The following ZNF470 variants were observed in gnomAD, a reference collection of about 807,000 sequenced individuals.
ZNF470 encodes chondrogenesis zinc finger protein 1.
ZNF470 carries 13 observed loss-of-function variants against 13.9 expected under a neutral mutation model. The observed-to-expected ratio is 0.94, with a 90% CI of 0.61 to 1.49. The LOEUF (loss-of-function observed/expected upper bound fraction) is 1.49, where lower values mean the gene tolerates loss of function less well. ZNF470 is among the 40% of genes most tolerant of loss of function. The probability of loss-of-function intolerance (pLI) is 0.00; values close to 1 mark genes in which losing one functional copy is unlikely to be tolerated. For synonymous variants in ZNF470, 293 were observed against 282.9 expected, an observed-to-expected ratio of 1.04 and a Z score of -0.36; for missense variants, 929 against 857.3, an observed-to-expected ratio of 1.08 and a Z score of -1.04.
intron 5 of ZNF470, 59 bp from the exon 6 acceptor site, chr19:56,576,654 A>G (rs2044490355): frequency 7.5e-7 from 1 of 1,338,112 alleles, no homozygotes; most frequent in Admixed American, 2.8e-5. Flanking sequence ...TTCATTTTCG[A>G]AATTTCCATT....
rs1204342239 is a variant in ZNF470 at position 56,578,534 on chromosome 19, A to T, written c.2105A>T (p.Glu702Val). 1.3e-6 allele frequency: 2 copies of T among 1,587,726 alleles called. No individual in the cohort carries two copies. Among genetic ancestry groups the T allele is most frequent in the Non-Finnish European group, 1.7e-6 (2 of 1,166,926 alleles). The change falls in exon 6 of 6, where the codon GAG becomes GTG. Residue 702 changes from glutamate to valine, a missense_variant. Glu to Val is a moderately radical substitution (Grantham distance 121). Coordinates refer to ENST00000330619, the MANE Select transcript of ZNF470 (RefSeq NM_001001668.4). ...LAHHQRIHTG[E>V]SSVILSSALP... ...CATCATCAGCGAATTCATACCGGAGAGTCATCAGTTATTCTCTCCTCTGCC... is the reference window on the plus strand; with the variant it reads ...CATCATCAGCGAATTCATACCGGAGTGTCATCAGTTATTCTCTCCTCTGCC...
rs375622187 is a variant in ZNF470, at chr19:56,570,429, A to G, written c.60+58A>G. ...TAGTTTTGCTTTTCTGGATTTGGTA[A>G]TACTTGTTTTCTTCTGAAAATATTG... On this transcript the variant is annotated intron_variant, in intron 3 of 5. Coordinates refer to ENST00000330619, the MANE Select transcript of ZNF470 (RefSeq NM_001001668.4). The G allele has an allele frequency of 5.9e-6, 9 of 1,532,862 alleles. No homozygotes were observed. In the Admixed American group the frequency reaches 1.5e-4, roughly 26 times the overall value. The allele number at this position is 1,532,862 out of a possible 1,614,324, so 95.0% of individuals were successfully genotyped here. A position where few individuals can be genotyped will look rare whatever the true frequency, so the allele number is the denominator to read the frequency against.
rs2044506614 is a variant in ZNF470 at position 56,578,132 on chromosome 19, T to G, written c.1703T>G (p.Ile568Ser). ...VHTGEKPYECIECGKAFSDGS... is the reference protein window; with the variant it reads ...VHTGEKPYECSECGKAFSDGS... ...ACTGGTGAGAAGCCTTACGAATGTA[T>G]TGAATGTGGGAAGGCCTTTAGTGAT... is the stretch of plus-strand genomic sequence containing the variant. Residue 568 changes from isoleucine to serine, a missense_variant, in exon 6 of 6, where the codon ATT (isoleucine) becomes AGT (serine). Ile to Ser is a moderately radical substitution (Grantham distance 142). Transcript: ENST00000330619. 1 of 1,613,842 alleles carries G rather than the reference T, an allele frequency of 6.2e-7. No homozygotes were observed. The highest frequency in any genetic ancestry group is 8.5e-7 in the Non-Finnish European group (1 of 1,179,934).
chr19:56,574,214 A>G, intron 3 of ZNF470, 180 bp from the exon 4 acceptor site: 1 of 1,010,202 alleles, frequency 9.9e-7, no homozygotes, highest in Non-Finnish European at 1.5e-6. Flanking sequence ...TAATATGTAC[A>G]GCATAACTAG....
chr19:56,567,690 G>A lies in ZNF470; in HGVS notation c.-507G>A. On this transcript the variant is annotated 5_prime_UTR_variant, in exon 1 of 6. Coordinates refer to ENST00000330619, the MANE Select transcript of ZNF470 (RefSeq NM_001001668.4). ...TGCTGTGCTGAGGAGGGGCGAGCGC[G>A]CGCGGGGATGGCGGCCCGGTGTGTG... The A allele has an allele frequency of 1.0e-6, 1 of 987,378 alleles. No homozygotes were observed. The allele number at this position is 987,378 out of a possible 1,614,324, so 61.2% of individuals were successfully genotyped here.
Position 56,579,717 on chromosome 19 carries a change from G to T in ZNF470, c.*1134G>T. On this transcript the variant is annotated 3_prime_UTR_variant, in exon 6 of 6. Coordinates refer to ENST00000330619, the MANE Select transcript of ZNF470 (RefSeq NM_001001668.4). Reference sequence around the variant, plus strand: ...CTGCAATTAGTTTCTGAATGTAGATGTTACAACTTAAACTTATTTTTAAAA... The same window carrying T: ...CTGCAATTAGTTTCTGAATGTAGATTTTACAACTTAAACTTATTTTTAAAA... 1.0e-6 allele frequency: 1 copy of T among 983,636 alleles called. No homozygotes were observed. Among genetic ancestry groups the T allele is most frequent in the Non-Finnish European group, 1.2e-6 (1 of 828,336 alleles). The allele number at this position is 983,636 out of a possible 1,614,324, so 60.9% of individuals were successfully genotyped here. A position where few individuals can be genotyped will look rare whatever the true frequency, so the allele number is the denominator to read the frequency against.
At position 56,582,039 on chromosome 19, in the gene ZNF470, T is replaced by C. The variant is rs75062553; in HGVS notation, c.*3456T>C. 3,562 of 985,386 alleles carry C rather than the reference T, an allele frequency of 3.6e-3. 84 individuals are homozygous for C. The South Asian group carries it at 0.069, about 19-fold the overall frequency. The allele number at this position is 985,386 out of a possible 1,614,324, so 61.0% of individuals were successfully genotyped here. On this transcript the variant is annotated 3_prime_UTR_variant, in exon 6 of 6. Transcript: ENST00000330619. ...AGTAAAGAAACAATCATACAGAATT[T>C]GGTACGAAGATTGGGTAATGGGCAT...
At position 56,579,645 on chromosome 19, in the gene ZNF470, T is replaced by A; in HGVS notation, c.*1062T>A. The A allele has an allele frequency of 1.0e-6, 1 of 985,452 alleles. No homozygotes were observed. The highest frequency in any genetic ancestry group is 1.2e-6 in the Non-Finnish European group (1 of 829,944). 61.0% of individuals were successfully genotyped at this position (985,452 alleles called of 1,614,324 possible). ...TAAAATGCAATAAGACCTTCCATCTTGTTCCATGAGATTGACAAGACATGC... is the reference window on the plus strand; with the variant it reads ...TAAAATGCAATAAGACCTTCCATCTAGTTCCATGAGATTGACAAGACATGC... On this transcript the variant is annotated 3_prime_UTR_variant, in exon 6 of 6. Coordinates refer to ENST00000330619, the MANE Select transcript of ZNF470 (RefSeq NM_001001668.4).
In ZNF470 at chr19:56,568,821, A is replaced by G. The variant is rs1007440331; in HGVS notation, c.-95A>G. 2.6e-5 allele frequency: 4 copies of G among 152,158 alleles called. No homozygotes were observed. The highest frequency in any genetic ancestry group is 5.9e-5 in the Non-Finnish European group (4 of 68,036). The allele number at this position is 152,158 out of a possible 1,614,324, so 9.4% of individuals were successfully genotyped here. On this transcript the variant is annotated 5_prime_UTR_variant, in exon 2 of 6. Coordinates refer to ENST00000330619, the MANE Select transcript of ZNF470 (RefSeq NM_001001668.4). The stretch of plus-strand genomic sequence containing the variant: ...AGCAAGTGGAAGAACCGGGATTCAG[A>G]TCCAGAACAGGCTGACTCCAGAGTC...
In ZNF470 at chr19:56,579,880, G is replaced by A. The variant is rs1357367472; in HGVS notation, c.*1297G>A. ...GTTGAGAAGCTGATTCTGATCATCT[G>A]TAGAATTTTGATTTTAACGAGGAAT... On this transcript the variant is annotated 3_prime_UTR_variant, in exon 6 of 6. Coordinates refer to ENST00000330619, the MANE Select transcript of ZNF470 (RefSeq NM_001001668.4). 1 of 482,908 alleles carries A rather than the reference G, an allele frequency of 2.1e-6. No homozygotes were observed. The highest frequency in any genetic ancestry group is 2.7e-6 in the Non-Finnish European group (1 of 371,224). 29.9% of individuals were successfully genotyped at this position (482,908 alleles called of 1,614,324 possible).
At chr19:56,575,376 C>T (rs2044481457) in intron 5 of ZNF470, among the ~76,000 whole-genome samples, 1 of 151,604 alleles carries the variant, frequency 6.6e-6, no homozygotes, top group African/African-American at 2.4e-5. Flanking sequence ...ATGAATATTA[C>T]TTTCTTTCCC....
intron 3 of ZNF470, among the ~76,000 whole-genome samples, chr19:56,572,814 GATAAA>G (rs2044464949): frequency 6.6e-6 from 1 of 152,082 alleles, no homozygotes. Context: ...TAGGAATGCA[GATAAA>G]ATAAAGTTAC....
At chr19:56,570,771 T>TA (rs1041666169) in intron 3 of ZNF470, among the ~76,000 whole-genome samples, 4 of 152,122 alleles carry the variant, frequency 2.6e-5, no homozygotes, top group Admixed American at 2.6e-4. Flanking sequence ...AGCAAACACT[T>TA]ACGCAGTGTG....
Position 56,581,064 on chromosome 19 carries a change from G to A in ZNF470, c.*2481G>A, listed in dbSNP as rs1465522936. The stretch of plus-strand genomic sequence containing the variant: ...AAAGCTGACATTAGGCTTTTATATG[G>A]TGGAAAACATCATAGTCAATAGATA... On this transcript the variant is annotated 3_prime_UTR_variant, in exon 6 of 6. Coordinates refer to ENST00000330619, the MANE Select transcript of ZNF470 (RefSeq NM_001001668.4). The A allele has an allele frequency of 3.7e-5, 36 of 985,006 alleles. No homozygotes were observed. The highest frequency in any genetic ancestry group is 4.2e-5 in the Non-Finnish European group (35 of 829,602). 61.0% of individuals were successfully genotyped at this position (985,006 alleles called of 1,614,324 possible).
intron 3 of ZNF470, 47 bp from the exon 4 acceptor site, chr19:56,574,347 T>G (rs755464597): frequency 3.7e-6 from 6 of 1,612,502 alleles, no homozygotes; most frequent in African/African-American, 2.7e-5. Flanking sequence ...AGAGCTGCAT[T>G]GGAATGTGAA....
chr19:56,572,893 C>T (rs2044465359), intron 3 of ZNF470, among the ~76,000 whole-genome samples: 3 of 152,108 alleles, frequency 2.0e-5, no homozygotes, highest in Admixed American at 2.0e-4. Flanking sequence ...AAAGGGAGTT[C>T]TTCAGATAGA....
rs1457647599 is a variant in ZNF470 at position 56,567,983 on chromosome 19, G to C, written c.-214G>C. 1.0e-6 allele frequency: 1 copy of C among 985,492 alleles called. No individual in the cohort carries two copies. Among genetic ancestry groups the C allele is most frequent in the Non-Finnish European group, 1.2e-6 (1 of 830,082 alleles). The allele number at this position is 985,492 out of a possible 1,614,324, so 61.0% of individuals were successfully genotyped here. A position where few individuals can be genotyped will look rare whatever the true frequency, so the allele number is the denominator to read the frequency against. On this transcript the variant is annotated 5_prime_UTR_variant, in exon 1 of 6. Coordinates refer to ENST00000330619, the MANE Select transcript of ZNF470 (RefSeq NM_001001668.4). The stretch of plus-strand genomic sequence containing the variant: ...TCTGGAAGGGGCAGAGCCCAGGACA[G>C]GGCTCCATGTCCACAGGACGGCGAG...
Position 56,577,603 on chromosome 19 carries a change from A to G in ZNF470, c.1174A>G (p.Thr392Ala). The G allele has an allele frequency of 6.2e-7, 1 of 1,614,106 alleles. No individual in the cohort carries two copies. Among genetic ancestry groups the G allele is most frequent in the South Asian group, 1.1e-5 (1 of 91,086 alleles). ...SLIRHRRYYH[T>A]GEKPFDCIDC... is the part of the protein sequence containing the mutation. ...TATACGTCATCGGCGATATTATCATACTGGAGAGAAACCCTTTGACTGTAT... is the reference window on the plus strand; with the variant it reads ...TATACGTCATCGGCGATATTATCATGCTGGAGAGAAACCCTTTGACTGTAT... Residue 392 changes from threonine (T) to alanine (A), a missense_variant, in exon 6 of 6, where the codon ACT becomes GCT. Transcript: ENST00000330619.
At position 56,567,659 on chromosome 19, in the gene ZNF470, G is replaced by T; in HGVS notation, c.-538G>T. The T allele has an allele frequency of 1.0e-6, 1 of 987,320 alleles. No homozygotes were observed. The highest frequency in any genetic ancestry group is 1.2e-6 in the Non-Finnish European group (1 of 831,308). 61.2% of individuals were successfully genotyped at this position (987,320 alleles called of 1,614,324 possible). A position where few individuals can be genotyped will look rare whatever the true frequency, so the allele number is the denominator to read the frequency against. On this transcript the variant is annotated 5_prime_UTR_variant, in exon 1 of 6. Coordinates refer to ENST00000330619, the MANE Select transcript of ZNF470 (RefSeq NM_001001668.4). ...CTGTGAGTGCCCATACGTGGTGAGC[G>T]TGCGGTGCTGTGCTGAGGAGGGGCG...
Sources: allele counts gnomAD v4.1 joint callset (sites outside exome capture counted in the v4.1 genomes callset), GRCh38; gene constraint gnomAD v4.1.1; transcripts MANE v1.5; gene names NCBI Gene and HGNC (gene_info 2026-07-23, HGNC 2026-07-21).